CNTN4: variants seen among roughly 807,000 people sequenced by gnomAD.
CNTN4 encodes contactin 4, also known as contactin-4.
A neutral mutation model predicts 122.5 loss-of-function variants in CNTN4; 77 were observed. The observed-to-expected ratio is 0.63, with a 90% confidence interval of 0.52 to 0.76. The LOEUF is 0.76. Among genes scored for constraint, CNTN4 ranks in the 30% least tolerant of loss-of-function variants. The probability of loss-of-function intolerance (pLI) is 0.00; values close to 1 mark genes in which losing one functional copy is unlikely to be tolerated. For missense variants in CNTN4, 1,256 were observed against 1,259.1 expected, an observed-to-expected ratio of 1.00 and a Z score of 0.04; for synonymous variants, 512 against 447.0, an observed-to-expected ratio of 1.15 and a Z score of -1.83.
At chr3:2,672,167 A>G (rs2084560340) in intron 4 of CNTN4, among the ~76,000 whole-genome samples, 1 of 152,164 alleles carries the variant, frequency 6.6e-6, no homozygotes, top group African/African-American at 2.4e-5. Context: ...TTAAGTCTGA[A>G]GAGGTTTCTG....
At chr3:2,172,571 A>G (rs942350212) in intron 2 of CNTN4, among the ~76,000 whole-genome samples, 5 of 152,186 alleles carry the variant, frequency 3.3e-5, no homozygotes, top group African/African-American at 9.6e-5. Flanking sequence ...AAAAAAAGAA[A>G]ACTGGTGGCA....
In CNTN4 at chr3:2,166,216, C is replaced by A. The variant is rs139943244; in HGVS notation, c.-145+65577C>A. Among the ~76,000 whole-genome samples the A allele has an allele frequency of 2.6e-5, 4 of 152,176 alleles. No individual in the cohort carries two copies. The East Asian group carries it at 7.7e-4, about 29-fold the overall frequency. ...TTTAAGGGCTTCGTTTTCACCACAT[C>A]CTTGCTCAACATTAGTATTCATCAG... On this transcript the variant is annotated intron_variant, in intron 2 of 24. Coordinates refer to ENST00000418658, the MANE Select transcript of CNTN4 (RefSeq NM_175607.3).
rs183163660 is a variant in CNTN4, at chr3:2,806,077, A to G, written c.359-13409A>G. On this transcript the variant is annotated intron_variant, in intron 6 of 24. Coordinates refer to ENST00000418658, the MANE Select transcript of CNTN4 (RefSeq NM_175607.3). ...CCAGCAGGCCTGGCTAATTTTTTGT[A>G]TTTTCAGAGAGACGGGGGTCTCACC... 6.6e-3 allele frequency among the ~76,000 whole-genome samples: 1,007 copies of G among 151,484 alleles called. 10 individuals carry two copies. Among genetic ancestry groups the G allele is most frequent in the African/African-American group, 0.023 (947 of 41,252 alleles).
intron 2 of CNTN4, among the ~76,000 whole-genome samples, chr3:2,247,082 A>G (rs770263583): frequency 6.6e-6 from 1 of 152,046 alleles, no homozygotes; most frequent in Non-Finnish European, 1.5e-5. Context: ...GTTCTACTAT[A>G]TATTTACACA....
intron 3 of CNTN4, among the ~76,000 whole-genome samples, chr3:2,500,000 A>G (rs1024188938): frequency 1.3e-5 from 2 of 152,106 alleles, no homozygotes; most frequent in African/African-American, 4.8e-5. Flanking sequence ...ATGATTTTAA[A>G]TGGTATTATG....
At chr3:2,573,364 T>C (rs1163601232) in intron 4 of CNTN4, among the ~76,000 whole-genome samples, 1 of 152,170 alleles carries the variant, frequency 6.6e-6, no homozygotes, top group Non-Finnish European at 1.5e-5. Context: ...AGTGATATTA[T>C]TTATTTCCCC....
intron 3 of CNTN4, among the ~76,000 whole-genome samples, chr3:2,553,822 C>G (rs2078613318): frequency 6.6e-6 from 1 of 152,124 alleles, no homozygotes; most frequent in Non-Finnish European, 1.5e-5. Flanking sequence ...TTCTATTAAA[C>G]TAATGATCAA....
intron 2 of CNTN4, among the ~76,000 whole-genome samples, chr3:2,272,935 C>A (rs576512486): frequency 6.6e-6 from 1 of 152,032 alleles, no homozygotes; most frequent in Non-Finnish European, 1.5e-5. Context: ...CATGTCCTTT[C>A]ATATCTCCTT....
intron 3 of CNTN4, among the ~76,000 whole-genome samples, chr3:2,453,931 T>C (rs1483351055): frequency 1.3e-5 from 2 of 149,118 alleles, no homozygotes; most frequent in African/African-American, 4.8e-5. Flanking sequence ...TTAGAAGTTA[T>C]TTTGAAAAGA....
intron 4 of CNTN4, among the ~76,000 whole-genome samples, chr3:2,619,366 G>A (rs2081907429): frequency 6.6e-6 from 1 of 152,154 alleles, no homozygotes; most frequent in African/African-American, 2.4e-5. Context: ...TTGACTGAAA[G>A]GCATGGAAGC....
intron 3 of CNTN4, among the ~76,000 whole-genome samples, chr3:2,369,011 G>A (rs58281907): frequency 0.31 from 47,508 of 151,866 alleles, 7,626 homozygotes; most frequent in Middle Eastern, 0.42. Context: ...TGCAACCTCC[G>A]CCTCCCAGGT....
At chr3:2,916,906 C>T (rs184463426) in intron 12 of CNTN4, among the ~76,000 whole-genome samples, 3,707 of 149,126 alleles carry the variant, frequency 0.025, 156 homozygotes, top group African/African-American at 0.087. Flanking sequence ...GGGTGGCGGC[C>T]GGGCAGAGGC....
chr3:2,434,775 T>C lies in CNTN4; in HGVS notation c.-89+95542T>C, dbSNP rs141587151. Among the ~76,000 whole-genome samples the C allele has an allele frequency of 2.8e-3, 433 of 152,048 alleles. 1 individual carries two copies. The highest frequency in any genetic ancestry group is 4.6e-3 in the Non-Finnish European group (310 of 67,972). ...TTGTGACAGACTCAAAGACCTATCA[T>C]CCATTTCTTCCACGAAGGCAATATT... On this transcript the variant is annotated intron_variant, in intron 3 of 24. Coordinates refer to ENST00000418658, the MANE Select transcript of CNTN4 (RefSeq NM_175607.3).
chr3:2,382,172 T>G (rs1470155043), intron 3 of CNTN4, among the ~76,000 whole-genome samples: 4 of 105,254 alleles, frequency 3.8e-5, no homozygotes, highest in Non-Finnish European at 5.5e-5. Context: ...CCTATCGTGA[T>G]TTTTTTTTTT....
At chr3:2,788,060 G>C (rs948555042) in intron 6 of CNTN4, among the ~76,000 whole-genome samples, 1 of 152,098 alleles carries the variant, frequency 6.6e-6, no homozygotes, top group Non-Finnish European at 1.5e-5. Context: ...AAAGTGCTCG[G>C]ATTACCGTGC....
chr3:2,826,618 G>A (rs1408931956), intron 7 of CNTN4, among the ~76,000 whole-genome samples: 1 of 152,138 alleles, frequency 6.6e-6, no homozygotes, highest in Admixed American at 6.5e-5. Flanking sequence ...TTCTTCATAT[G>A]ACTTCTGTTT....
chr3:2,321,980 A>G (rs1173664923), intron 2 of CNTN4, among the ~76,000 whole-genome samples: 1 of 152,174 alleles, frequency 6.6e-6, no homozygotes, highest in African/African-American at 2.4e-5. Flanking sequence ...AACAGAGGAA[A>G]GAACATTACC....
intron 23 of CNTN4, among the ~76,000 whole-genome samples, chr3:3,049,684 A>G (rs1701054031): frequency 1.3e-5 from 2 of 152,354 alleles, no homozygotes; most frequent in African/African-American, 4.8e-5. Context: ...TTTTATAGAA[A>G]GGCCAAGGAA....
intron 2 of CNTN4, among the ~76,000 whole-genome samples, chr3:2,297,000 A>T (rs1169906135): frequency 1.3e-5 from 2 of 152,180 alleles, no homozygotes; most frequent in African/African-American, 4.8e-5. Context: ...AACAATTTCA[A>T]AAAGTCTTTC....
Sources: allele counts gnomAD v4.1 joint callset (sites outside exome capture counted in the v4.1 genomes callset), GRCh38; gene constraint gnomAD v4.1.1; transcripts MANE v1.5; gene names NCBI Gene and HGNC (gene_info 2026-07-23, HGNC 2026-07-21).